The following GUCY2C variants were observed in gnomAD, a reference collection of about 807,000 sequenced individuals.
The protein encoded by GUCY2C is guanylyl cyclase C.
A neutral mutation model predicts 131.1 loss-of-function variants in GUCY2C; 118 were observed. That is an observed-to-expected ratio of 0.90 (90% CI 0.78 to 1.05). The LOEUF is 1.05. Among genes scored for constraint, GUCY2C ranks in the 50% least tolerant of loss-of-function variants. GUCY2C has a pLI of 0.00. For synonymous variants in GUCY2C, 452 were observed against 457.8 expected, an observed-to-expected ratio of 0.99 and a Z score of 0.16; for missense variants, 1,161 against 1,304.4, an observed-to-expected ratio of 0.89 and a Z score of 1.69.
rs1031904851 is a variant in GUCY2C at position 14,641,169 on chromosome 12, C to T, written c.1981G>A (p.Gly661Arg). The T allele has an allele frequency of 6.2e-7, 1 of 1,612,810 alleles. No individual in the cohort carries two copies. The highest frequency in any genetic ancestry group is 1.7e-5 in the Admixed American group (1 of 60,020). ...ATGATCCCATAGCTGTACACATCTCCTTTCTGAGAGATGTTGGCTTGGCGG... is the reference window on the plus strand; with the variant it reads ...ATGATCCCATAGCTGTACACATCTCTTTTCTGAGAGATGTTGGCTTGGCGG... ...HLRQANISQK[G>R]DVYSYGIIAQ... is the part of the protein sequence containing the mutation. Residue 661 changes from glycine to arginine, a missense_variant, in exon 18 of 27, where the codon GGA (glycine) becomes AGA (arginine). Transcript: ENST00000261170.
intron 1 of GUCY2C, among the ~76,000 whole-genome samples, chr12:14,692,161 A>G (rs1403052380): frequency 2.0e-5 from 3 of 152,190 alleles, no homozygotes; most frequent in African/African-American, 4.8e-5. Context: ...TTTTATAATT[A>G]TACTAAGACA....
chr12:14,648,516 T>C (rs150487115), intron 15 of GUCY2C, among the ~76,000 whole-genome samples: 4 of 152,304 alleles, frequency 2.6e-5, no homozygotes, highest in Non-Finnish European at 4.4e-5. Context: ...GCCCAACAAC[T>C]GCCTGTCCAA....
chr12:14,657,980 CT>C (rs904652943), intron 11 of GUCY2C, among the ~76,000 whole-genome samples: 3 of 151,910 alleles, frequency 2.0e-5, no homozygotes, highest in Non-Finnish European at 4.4e-5. Context: ...TATTGATAAA[CT>C]TTTTTTTAAC....
rs1432121496 is a variant in GUCY2C, at chr12:14,661,042, C to A, written c.1303G>T (p.Ala435Ser). The A allele has an allele frequency of 1.9e-6, 3 of 1,612,228 alleles. No homozygotes were observed. In the Admixed American group the frequency reaches 5.0e-5, roughly 27 times the overall value. Reference protein sequence around the residue: ...TGRGPQILMIAVFTLTGAVVL... With the variant: ...TGRGPQILMISVFTLTGAVVL... ...ACAGCTCCAGTGAGGGTGAAGACTG[C>A]AATCATCAGGATCTGAGGGCCTGTG... Residue 435 changes from alanine to serine, a missense_variant, in exon 11 of 27, where the codon GCA becomes TCA. Ala to Ser is a moderately conservative substitution (Grantham distance 99). Transcript: ENST00000261170.
At chr12:14,679,599 A>T in intron 6 of GUCY2C, 58 bp downstream of exon 6, 1 of 855,248 alleles carries the variant, frequency 1.2e-6, no homozygotes, top group South Asian at 1.4e-5. Flanking sequence ...GCCTTCTGGA[A>T]ATCCTTGGAA....
At chr12:14,647,871 A>T (rs970777013) in intron 15 of GUCY2C, among the ~76,000 whole-genome samples, 11 of 152,092 alleles carry the variant, frequency 7.2e-5, no homozygotes, top group East Asian at 5.8e-4. Flanking sequence ...GTTTCTAGTC[A>T]TCATACAAAT....
chr12:14,636,866 A>T (rs995079759), intron 19 of GUCY2C, among the ~76,000 whole-genome samples: 1 of 152,094 alleles, frequency 6.6e-6, no homozygotes, highest in Non-Finnish European at 1.5e-5. Flanking sequence ...AGGACGGTGG[A>T]TTGCCTGAGC....
intron 10 of GUCY2C, chr12:14,666,039 C>T (rs971842498): frequency 6.6e-6 from 1 of 152,288 alleles, no homozygotes; most frequent in Non-Finnish European, 1.5e-5. Flanking sequence ...AGGGAAAAAA[C>T]CATGCTTGTG....
rs201579055 is a variant in GUCY2C at position 14,674,611 on chromosome 12, T to C, written c.1084+14A>G. 231 of 1,612,604 alleles carry C rather than the reference T, an allele frequency of 1.4e-4. No individual in the cohort carries two copies. Among genetic ancestry groups the C allele is most frequent in the Admixed American group, 1.8e-4 (11 of 60,000 alleles). On this transcript the variant is annotated intron_variant, in intron 8 of 26. Coordinates refer to ENST00000261170, the MANE Select transcript of GUCY2C (RefSeq NM_004963.4). ...TCTTCACCTTGGGGTTATTTGCTCT[T>C]AGTAGACCAGTACCTTCAAAAGTGA...
intron 11 of GUCY2C, among the ~76,000 whole-genome samples, 189 bp downstream of exon 11, chr12:14,660,792 C>T (rs1030140813): frequency 6.6e-6 from 1 of 152,180 alleles, no homozygotes; most frequent in Non-Finnish European, 1.5e-5. Flanking sequence ...GGCTTCAAAG[C>T]CCTAATCTAT....
At chr12:14,633,250 G>A (rs887249368) in intron 19 of GUCY2C, among the ~76,000 whole-genome samples, 3 of 152,126 alleles carry the variant, frequency 2.0e-5, no homozygotes, top group East Asian at 1.9e-4. Flanking sequence ...TCAACAAAAC[G>A]TCACTACTGC....
Position 14,657,143 on chromosome 12 carries a change from GTCTT to G in GUCY2C, c.1365-530_1365-527del, listed in dbSNP as rs1291747953. Among the ~76,000 whole-genome samples, 13 of 152,086 alleles carry G rather than the reference GTCTT, an allele frequency of 8.5e-5. 1 individual carries two copies. Among genetic ancestry groups the G allele is most frequent in the Admixed American group, 8.5e-4 (13 of 15,262 alleles). On this transcript the variant is annotated intron_variant, in intron 11 of 26. Transcript: ENST00000261170. ...GGGGTTTGGGGACCCCTGTTTCCTAGTCTTTCTTTTCTTTTCACTTCACTTTCCT... is the reference window on the plus strand; with the variant it reads ...GGGGTTTGGGGACCCCTGTTTCCTAGTCTTTTCTTTTCACTTCACTTTCCT...
At chr12:14,675,933 A>G (rs1181207848) in intron 7 of GUCY2C, among the ~76,000 whole-genome samples, 1 of 152,192 alleles carries the variant, frequency 6.6e-6, no homozygotes, top group African/African-American at 2.4e-5. Context: ...TCCAGTTAAG[A>G]CCCAGCTCCA....
chr12:14,686,399 G>T (rs931078167), intron 2 of GUCY2C, among the ~76,000 whole-genome samples, 174 bp from the exon 3 acceptor site: 4 of 152,200 alleles, frequency 2.6e-5, no homozygotes, highest in African/African-American at 9.6e-5. Context: ...CTGAGGCATG[G>T]AGAGGTTCGA....
intron 9 of GUCY2C, chr12:14,672,413 A>G (rs1001285192): frequency 6.6e-6 from 1 of 152,602 alleles, no homozygotes; most frequent in Non-Finnish European, 1.5e-5. Context: ...AGGGCTGTTT[A>G]TGTGGGGCTC....
In GUCY2C at chr12:14,645,289, G is replaced by A. The variant is rs1265814130; in HGVS notation, c.1737C>T (p.Tyr579=). ...LREVLNDTIS[Y]PDGTFMDWEF... is the part of the protein sequence containing the mutation. ...CCCAATCCATGAATGTGCCATCAGG[G>A]TAGGAAATTGTGTCATTTAAAACTT... Residue 579 remains tyrosine, a synonymous_variant, in exon 16 of 27, where the codon TAC becomes TAT. Coordinates refer to ENST00000261170, the MANE Select transcript of GUCY2C (RefSeq NM_004963.4). 1.9e-6 allele frequency: 3 copies of A among 1,592,156 alleles called. No individual in the cohort carries two copies. The highest frequency in any genetic ancestry group is 2.6e-6 in the Non-Finnish European group (3 of 1,160,842).
rs1301228916 is a variant in GUCY2C at position 14,613,281 on chromosome 12, G to A, written c.3058C>T (p.Gln1020Ter). 5 of 1,611,968 alleles carry A rather than the reference G, an allele frequency of 3.1e-6. No homozygotes were observed. The highest frequency in any genetic ancestry group is 3.3e-5 in the Admixed American group (2 of 59,922). ...TCTGAAAATTCTGCTTGCAAACGCT[G>A]TTGATTCTCCCTGGAAACAGAGTGG... is the stretch of plus-strand genomic sequence containing the variant. ...LPTPPTVENQ[Q>*]RLQAEFSDMI... The change falls in exon 27 of 27, where the codon CAG (glutamine) becomes TAG (stop). Residue 1020 changes from glutamine (Q) to a stop codon, truncating the protein, a stop_gained. Transcript: ENST00000261170. LOFTEE classifies it high-confidence loss of function. The surrounding 1 kb of genome is among the most constrained non-coding windows in gnomAD (Gnocchi z 4.9).
At position 14,656,576 on chromosome 12, in the gene GUCY2C, G is replaced by A. The variant is rs1159650381; in HGVS notation, c.1406C>T (p.Ser469Phe). 6.2e-7 allele frequency: 1 copy of A among 1,601,378 alleles called. No homozygotes were observed. Among genetic ancestry groups the A allele is most frequent in the African/African-American group, 1.3e-5 (1 of 74,784 alleles). The change falls in exon 12 of 27, where the codon TCC (serine) becomes TTC (phenylalanine). Residue 469 changes from serine (S) to phenylalanine (F), a missense_variant. Transcript: ENST00000261170. ...KDYELRQKKWSHIPPENIFPL... is the reference protein window; with the variant it reads ...KDYELRQKKWFHIPPENIFPL... ...AAAGATATTTTCAGGAGGAATGTGG[G>A]ACCATTTTTTCTGACGAAGTTCATA...
intron 24 of GUCY2C, among the ~76,000 whole-genome samples, chr12:14,618,338 C>A (rs1001419971): frequency 2.6e-5 from 4 of 151,386 alleles, no homozygotes; most frequent in Non-Finnish European, 4.4e-5. Context: ...CATAGAGAGA[C>A]CACACCTCTA....
Sources: allele counts gnomAD v4.1 joint callset (sites outside exome capture counted in the v4.1 genomes callset), GRCh38; gene constraint gnomAD v4.1.1; non-coding constraint Gnocchi (gnomAD v3.1); transcripts MANE v1.5; gene names NCBI Gene and HGNC (gene_info 2026-07-23, HGNC 2026-07-21).